PCDH9: variants seen among roughly 807,000 people sequenced by gnomAD.
PCDH9 encodes the protein protocadherin 9.
A neutral mutation model predicts 70.6 loss-of-function variants in PCDH9; 24 were observed. The observed-to-expected ratio is 0.34, with a 90% CI of 0.25 to 0.48. The LOEUF (loss-of-function observed/expected upper bound fraction) is 0.48, where lower values mean the gene tolerates loss of function less well. Among genes scored for constraint, PCDH9 ranks in the 20% least tolerant of loss-of-function variants. The pLI is 0.99. For synonymous variants in PCDH9, 562 were observed against 558.5 expected (o/e 1.01, Z -0.09); for missense variants, 1,281 against 1,503.6 (o/e 0.85, Z 2.45).
intron 4 of PCDH9, among the ~76,000 whole-genome samples, chr13:66,376,598 A>C (rs931468405): frequency 6.6e-6 from 1 of 152,184 alleles, no homozygotes. Context: ...TACCCAAACA[A>C]AAGAAAAAAT....
At chr13:66,932,783 CA>C (rs890657043) in intron 2 of PCDH9, among the ~76,000 whole-genome samples, 1 of 150,098 alleles carries the variant, frequency 6.7e-6, no homozygotes, top group African/African-American at 2.4e-5. Flanking sequence ...TTATACATTA[CA>C]AATTCAGAAT....
At chr13:66,816,861 T>C (rs1198075302) in intron 3 of PCDH9, among the ~76,000 whole-genome samples, 1 of 151,758 alleles carries the variant, frequency 6.6e-6, no homozygotes, top group Non-Finnish European at 1.5e-5. Flanking sequence ...ACAAGGTTTT[T>C]TTTTTGGTAA....
chr13:66,980,732 T>TTTTG (rs2083739000), intron 2 of PCDH9, among the ~76,000 whole-genome samples: 1 of 137,646 alleles, frequency 7.3e-6, no homozygotes, highest in African/African-American at 2.7e-5. Context: ...TTTTCTTTGT[T>TTTTG]TTTTTTTTTG....
intron 3 of PCDH9, among the ~76,000 whole-genome samples, chr13:66,842,568 G>C (rs1317823392): frequency 3.9e-5 from 6 of 152,058 alleles, no homozygotes. Flanking sequence ...TCATATTATA[G>C]AAATAGGGAC....
intron 2 of PCDH9, among the ~76,000 whole-genome samples, chr13:67,117,108 AT>A (rs1408899663): frequency 6.6e-6 from 1 of 152,202 alleles, no homozygotes; most frequent in Non-Finnish European, 1.5e-5. Flanking sequence ...TTTGTAAAGA[AT>A]TTATGATACT....
At chr13:66,949,528 A>T (rs1227615432) in intron 2 of PCDH9, among the ~76,000 whole-genome samples, 1 of 152,020 alleles carries the variant, frequency 6.6e-6, no homozygotes, top group Non-Finnish European at 1.5e-5. Context: ...ATGGGATGTG[A>T]CTAGAGGGGC....
chr13:66,692,634 A>G (rs999844990), intron 3 of PCDH9, among the ~76,000 whole-genome samples: 1 of 152,070 alleles, frequency 6.6e-6, no homozygotes, highest in African/African-American at 2.4e-5. Flanking sequence ...TCTAGTTAGG[A>G]TACTATATAA....
intron 3 of PCDH9, among the ~76,000 whole-genome samples, chr13:66,765,106 C>A (rs919078236): frequency 1.5e-4 from 23 of 151,544 alleles, no homozygotes; most frequent in African/African-American, 5.6e-4. Flanking sequence ...CTGTATCTTT[C>A]TCTCTCTCTT....
At chr13:66,314,058 A>G (rs977698866) in intron 4 of PCDH9, among the ~76,000 whole-genome samples, 1 of 152,176 alleles carries the variant, frequency 6.6e-6, no homozygotes. Flanking sequence ...TCAAATGTTA[A>G]TATGTATATG....
intron 4 of PCDH9, among the ~76,000 whole-genome samples, chr13:66,433,592 T>C (rs1184785736): frequency 1.3e-5 from 2 of 151,810 alleles, no homozygotes; most frequent in African/African-American, 4.8e-5. Context: ...TATTAAAGTG[T>C]ATATTTTAAT....
At chr13:66,415,603 C>CT (rs1957447567) in intron 4 of PCDH9, among the ~76,000 whole-genome samples, 1 of 152,148 alleles carries the variant, frequency 6.6e-6, no homozygotes, top group African/African-American at 2.4e-5. Context: ...TTCCCTTATC[C>CT]TTCTCTGTCT....
At chr13:66,468,020 T>C (rs2781775) in intron 4 of PCDH9, among the ~76,000 whole-genome samples, 2,022 of 152,138 alleles carry the variant, frequency 0.013, 48 homozygotes, top group African/African-American at 0.046. Flanking sequence ...CCTAAATTTG[T>C]ATTGCTGCCC....
At chr13:66,547,466 C>A (rs1961260191) in intron 4 of PCDH9, among the ~76,000 whole-genome samples, 1 of 152,154 alleles carries the variant, frequency 6.6e-6, no homozygotes, top group African/African-American at 2.4e-5. Flanking sequence ...TACTCTCCCA[C>A]TGAACCATAC....
chr13:66,842,548 G>A (rs1015713595), intron 3 of PCDH9, among the ~76,000 whole-genome samples: 1 of 151,968 alleles, frequency 6.6e-6, no homozygotes, highest in Non-Finnish European at 1.5e-5. Context: ...AAAATTCTGT[G>A]TTATTTTCCT....
intron 2 of PCDH9, among the ~76,000 whole-genome samples, chr13:67,038,825 C>G (rs1240294997): frequency 6.6e-6 from 1 of 152,090 alleles, no homozygotes; most frequent in African/African-American, 2.4e-5. Flanking sequence ...TGGTTCCCGA[C>G]ACAGGGCTCC....
At chr13:67,228,962 C>G (rs535145543) in intron 1 of PCDH9, among the ~76,000 whole-genome samples, 1 of 152,332 alleles carries the variant, frequency 6.6e-6, no homozygotes, top group South Asian at 2.1e-4. Flanking sequence ...TATTTAGCTA[C>G]GGTTCCTGCT....
chr13:66,908,854 C>T (rs879367580), intron 2 of PCDH9, among the ~76,000 whole-genome samples: 6 of 152,048 alleles, frequency 3.9e-5, no homozygotes, highest in Non-Finnish European at 7.4e-5. Context: ...TGCAGTGACA[C>T]ATATTTTGAT....
intron 2 of PCDH9, among the ~76,000 whole-genome samples, chr13:67,160,131 T>A (rs1247854833): frequency 1.3e-5 from 2 of 152,168 alleles, no homozygotes; most frequent in Non-Finnish European, 2.9e-5. Flanking sequence ...CCTTGTAGAT[T>A]TCAAACTAAC....
chr13:66,443,688 A>C (rs1329057204), intron 4 of PCDH9, among the ~76,000 whole-genome samples: 1 of 152,036 alleles, frequency 6.6e-6, no homozygotes, highest in African/African-American at 2.4e-5. Flanking sequence ...AGTTCTTGGT[A>C]ACATTTATGA....
Sources: allele counts gnomAD v4.1 joint callset (sites outside exome capture counted in the v4.1 genomes callset), GRCh38; gene constraint gnomAD v4.1.1; transcripts MANE v1.5; gene names NCBI Gene and HGNC (gene_info 2026-07-23, HGNC 2026-07-21).